The following GTF2A2 variants were observed in gnomAD, a reference collection of about 807,000 sequenced individuals.
GTF2A2 encodes the protein transcription initiation factor IIA subunit 2.
In GTF2A2, 9 loss-of-function variants were observed where a neutral mutation model predicts 14.3. The observed-to-expected ratio is 0.63, with a 90% CI of 0.38 to 1.10. The LOEUF is 1.10. Among genes scored for constraint, GTF2A2 ranks in the 50% least tolerant of loss-of-function variants. The probability of loss-of-function intolerance (pLI) is 0.01; values close to 1 mark genes in which losing one functional copy is unlikely to be tolerated. For missense variants in GTF2A2, 90 were observed against 124.6 expected, an observed-to-expected ratio of 0.72 and a Z score of 1.32; for synonymous variants, 56 against 46.0, an observed-to-expected ratio of 1.22 and a Z score of -0.88.
intron 4 of GTF2A2, among the ~76,000 whole-genome samples, 196 bp from the exon 5 acceptor site, chr15:59,639,353 C>G (rs1335280858): frequency 1.3e-5 from 2 of 152,038 alleles, no homozygotes; most frequent in African/African-American, 4.8e-5. Context: ...AGCAGAGATA[C>G]AAAGATGCTT....
intron 3 of GTF2A2, among the ~76,000 whole-genome samples, chr15:59,648,310 A>G (rs950959715): frequency 1.3e-5 from 2 of 150,828 alleles, no homozygotes; most frequent in Non-Finnish European, 1.5e-5. Flanking sequence ...CAGGAGGCTG[A>G]GACAGAAGAA....
rs74532967 is a variant in GTF2A2 at position 59,644,836 on chromosome 15, T to A, written c.178-2574A>T. ...AGATAAAGGAGAACCTTGGAAAACC[T>A]TTGCCCCATCCTAACGGTACTGGGA... On this transcript the variant is annotated intron_variant, in intron 3 of 4. Coordinates refer to ENST00000396060, the MANE Select transcript of GTF2A2 (RefSeq NM_004492.3). Among the ~76,000 whole-genome samples, 54 of 152,278 alleles carry A rather than the reference T, an allele frequency of 3.5e-4. No homozygotes were observed. In the East Asian group the frequency reaches 0.01, roughly 29 times the overall value.
chr15:59,655,079 T>C (rs1474753667), intron 1 of GTF2A2, among the ~76,000 whole-genome samples: 2 of 152,342 alleles, frequency 1.3e-5, no homozygotes, highest in African/African-American at 2.4e-5. Context: ...GTATCAGGCA[T>C]TGTCTTCTAA....
intron 4 of GTF2A2, among the ~76,000 whole-genome samples, chr15:59,641,334 C>T (rs1448676181): frequency 1.3e-5 from 2 of 152,004 alleles, no homozygotes; most frequent in Non-Finnish European, 2.9e-5. Context: ...TTTTTGTATT[C>T]TCTACATTTT....
chr15:59,643,399 A>T (rs1459825313), intron 3 of GTF2A2, among the ~76,000 whole-genome samples: 1 of 151,524 alleles, frequency 6.6e-6, no homozygotes, highest in Admixed American at 6.6e-5. Flanking sequence ...TTTAAAAAGA[A>T]ATAGAGACAG....
Position 59,655,463 on chromosome 15 carries a change from C to A in GTF2A2, c.-50+1943G>T, listed in dbSNP as rs1188921430. ...GAATATTGGACACAGCTGATTACTC[C>A]CTCCTCTTTCGTACAGGATCTTACC... On this transcript the variant is annotated intron_variant, in intron 1 of 4. Coordinates refer to ENST00000396060, the MANE Select transcript of GTF2A2 (RefSeq NM_004492.3). Among the ~76,000 whole-genome samples, 7 of 152,278 alleles carry A rather than the reference C, an allele frequency of 4.6e-5. No homozygotes were observed. In the East Asian group the frequency reaches 1.4e-3, roughly 29 times the overall value.
In GTF2A2 at chr15:59,649,451, C is replaced by A. The variant is rs552744503; in HGVS notation, c.177+1218G>T. The stretch of plus-strand genomic sequence containing the variant: ...TGACTAGTTAGGCCTTGTGAACTAT[C>A]TTGCCTCTGATAAGTAGTCCACCAA... On this transcript the variant is annotated intron_variant, in intron 3 of 4. Coordinates refer to ENST00000396060, the MANE Select transcript of GTF2A2 (RefSeq NM_004492.3). Among the ~76,000 whole-genome samples the A allele has an allele frequency of 4.2e-4, 64 of 152,306 alleles. 2 individuals carry two copies. In the Middle Eastern group the frequency reaches 0.01, roughly 24 times the overall value.
chr15:59,638,985 T>TTACAAGTTTCTTTCTAC lies in GTF2A2; in HGVS notation c.*130_*146dup, dbSNP rs1248347378. The stretch of plus-strand genomic sequence containing the variant: ...AAAGGTGATGTAAGAGGCTACAGAG[T>TTACAAGTTTCTTTCTAC]TACAAGTTTCTTTCTACTGGAATTC... On this transcript the variant is annotated 3_prime_UTR_variant, in exon 5 of 5. Transcript: ENST00000396060. 13 of 630,664 alleles carry TTACAAGTTTCTTTCTAC rather than the reference T, an allele frequency of 2.1e-5. No homozygotes were observed. The highest frequency in any genetic ancestry group is 3.7e-5 in the African/African-American group (2 of 53,366). 39.1% of individuals were successfully genotyped at this position (630,664 alleles called of 1,614,324 possible).
rs1401959543 is a variant in GTF2A2 at position 59,638,237 on chromosome 15, A to T, written c.*895T>A. 2 of 152,112 alleles carry T rather than the reference A, an allele frequency of 1.3e-5. No individual in the cohort carries two copies. Among genetic ancestry groups the T allele is most frequent in the Non-Finnish European group, 2.9e-5 (2 of 68,036 alleles). 9.4% of individuals were successfully genotyped at this position (152,112 alleles called of 1,614,324 possible). A position where few individuals can be genotyped will look rare whatever the true frequency, so the allele number is the denominator to read the frequency against. On this transcript the variant is annotated 3_prime_UTR_variant, in exon 5 of 5. Coordinates refer to ENST00000396060, the MANE Select transcript of GTF2A2 (RefSeq NM_004492.3). ...GTTAGTTTTAATGTGAGAGTCAAGG[A>T]CTACAGTGGCATGCTGAGGTAACAA...
In GTF2A2 at chr15:59,652,235, G is replaced by A. The variant is rs1891815297; in HGVS notation, c.43C>T (p.Leu15Phe). 6.2e-7 allele frequency: 1 copy of A among 1,602,190 alleles called. No homozygotes were observed. ...LYRNTTLGNS[L>F]QESLDELIQS... ...ATGAGCTCATCTAGGCTCTCCTGAA[G>A]ACTGTTTCCCAAAGTAGTATTTCTG... The change falls in exon 2 of 5, where the codon CTT (leucine) becomes TTT (phenylalanine). Residue 15 changes from leucine to phenylalanine, a missense_variant. By Grantham distance (22) the Leu-to-Phe change is conservative. Coordinates refer to ENST00000396060, the MANE Select transcript of GTF2A2 (RefSeq NM_004492.3).
intron 1 of GTF2A2, among the ~76,000 whole-genome samples, chr15:59,656,314 C>T (rs1166036241): frequency 6.6e-6 from 1 of 152,170 alleles, no homozygotes. Flanking sequence ...TTAATTCCTT[C>T]AAGTCTTTGC....
intron 3 of GTF2A2, among the ~76,000 whole-genome samples, chr15:59,646,029 G>A (rs751141679): frequency 5.4e-5 from 2 of 37,256 alleles, no homozygotes; most frequent in South Asian, 1.6e-3. Context: ...GTAAGGCTCC[G>A]CCTTAAAAAA....
At chr15:59,655,620 G>A (rs1272785915) in intron 1 of GTF2A2, among the ~76,000 whole-genome samples, 1 of 152,068 alleles carries the variant, frequency 6.6e-6, no homozygotes, top group Non-Finnish European at 1.5e-5. Flanking sequence ...GGCCTCTGCT[G>A]CTTTCCGTCT....
chr15:59,655,788 T>C (rs1267024384), intron 1 of GTF2A2, among the ~76,000 whole-genome samples: 4 of 152,210 alleles, frequency 2.6e-5, no homozygotes. Context: ...AAGAACTCCA[T>C]ACTTCTACGA....
chr15:59,649,448 T>G (rs1891722979), intron 3 of GTF2A2, among the ~76,000 whole-genome samples: 1 of 152,248 alleles, frequency 6.6e-6, no homozygotes. Flanking sequence ...CCTTGTGAAC[T>G]ATCTTGCCTC....
intron 4 of GTF2A2, among the ~76,000 whole-genome samples, 155 bp downstream of exon 4, chr15:59,641,981 A>C (rs1299899229): frequency 6.6e-6 from 1 of 152,204 alleles, no homozygotes; most frequent in East Asian, 1.9e-4. Context: ...TGAGATATGT[A>C]ATCAGAATTT....
In GTF2A2 at chr15:59,638,847, T is replaced by C. The variant is rs1327104765; in HGVS notation, c.*285A>G. 3.1e-6 allele frequency: 1 copy of C among 327,572 alleles called. No homozygotes were observed. The highest frequency in any genetic ancestry group is 5.6e-6 in the Non-Finnish European group (1 of 178,836). The allele number at this position is 327,572 out of a possible 1,614,324, so 20.3% of individuals were successfully genotyped here. On this transcript the variant is annotated 3_prime_UTR_variant, in exon 5 of 5. Coordinates refer to ENST00000396060, the MANE Select transcript of GTF2A2 (RefSeq NM_004492.3). Reference sequence around the variant, plus strand: ...TAATATCTTCATATTGCTACCTTAATAGCTTCACCAGTTATTACTCAGAGT... The same window carrying C: ...TAATATCTTCATATTGCTACCTTAACAGCTTCACCAGTTATTACTCAGAGT...
chr15:59,656,936 C>T (rs1373847402), intron 1 of GTF2A2: 1 of 152,200 alleles, frequency 6.6e-6, no homozygotes, highest in African/African-American at 2.4e-5. Flanking sequence ...GGAAGTAACT[C>T]GTCCTAGCAT....
At chr15:59,642,010 G>T (rs746024277) in intron 4 of GTF2A2, 126 bp downstream of exon 4, 6 of 719,580 alleles carry the variant, frequency 8.3e-6, no homozygotes, top group Non-Finnish European at 1.4e-5. Context: ...TAAAAGCCTG[G>T]GCTTATCTGG....
Sources: gnomAD v4.1 joint callset for allele counts (sites outside exome capture counted in the v4.1 genomes callset) on GRCh38, gnomAD v4.1.1 for gene constraint, MANE v1.5 for transcripts, NCBI Gene and HGNC (gene_info 2026-07-23, HGNC 2026-07-21) for gene names.